Variants in DPP10 observed in about 807,000 individuals in gnomAD.
The protein encoded by DPP10 is dipeptidyl peptidase like 10.
Under a neutral mutation model 120.9 loss-of-function variants are expected in DPP10, and 33 were observed. That is an observed-to-expected ratio of 0.27 (90% CI 0.21 to 0.37). DPP10 has a LOEUF of 0.37. Among genes scored for constraint, DPP10 ranks in the 10% least tolerant of loss-of-function variants. The probability of loss-of-function intolerance (pLI) is 1.00; values close to 1 mark genes in which losing one functional copy is unlikely to be tolerated. For missense variants in DPP10, 816 were observed against 942.8 expected, an observed-to-expected ratio of 0.87 and a Z score of 1.76; for synonymous variants, 337 against 326.1, an observed-to-expected ratio of 1.03 and a Z score of -0.36.
intron 3 of DPP10, among the ~76,000 whole-genome samples, chr2:115,404,795 G>A (rs76952146): frequency 0.021 from 3,212 of 152,142 alleles, 113 homozygotes; most frequent in African/African-American, 0.074. Flanking sequence ...AATTGGAGAG[G>A]CAACTTCACT....
intron 1 of DPP10, among the ~76,000 whole-genome samples, chr2:115,265,611 C>T (rs2059425996): frequency 6.6e-6 from 1 of 151,996 alleles, no homozygotes; most frequent in Non-Finnish European, 1.5e-5. Flanking sequence ...GTGTTGGTAG[C>T]CACTCACTAA....
At chr2:115,577,201 T>C (rs2081726585) in intron 5 of DPP10, among the ~76,000 whole-genome samples, 2 of 152,176 alleles carry the variant, frequency 1.3e-5, no homozygotes, top group Admixed American at 1.3e-4. Context: ...GGCCTAAGGA[T>C]AGTCAGTCTA....
chr2:114,802,701 A>C (rs1382522122), intron 1 of DPP10, among the ~76,000 whole-genome samples: 3 of 152,140 alleles, frequency 2.0e-5, no homozygotes, highest in Non-Finnish European at 1.5e-5. Flanking sequence ...CCTCATTTCC[A>C]CTTTTTGTAT....
intron 7 of DPP10, among the ~76,000 whole-genome samples, chr2:115,697,328 T>C (rs542558476): frequency 2.0e-5 from 3 of 152,066 alleles, no homozygotes; most frequent in African/African-American, 7.2e-5. Context: ...ACATACGCTC[T>C]ATAAGAAACT....
At position 114,869,537 on chromosome 2, in the gene DPP10, C is replaced by A. The variant is rs774751610; in HGVS notation, c.60+426699C>A. On this transcript the variant is annotated intron_variant, in intron 1 of 25. Coordinates refer to ENST00000410059, the MANE Select transcript of DPP10 (RefSeq NM_020868.6). ...AAGTCCACTGGCACCATTTATACTG[C>A]TGAAGAGGGATCCTGAAAGGCAGCC... Among the ~76,000 whole-genome samples, 52 of 152,114 alleles carry A rather than the reference C, an allele frequency of 3.4e-4. 2 individuals carry two copies. The highest frequency in any genetic ancestry group is 1.3e-4 in the Admixed American group (2 of 15,238).
chr2:115,257,607 C>G (rs907151084), intron 1 of DPP10, among the ~76,000 whole-genome samples: 1 of 152,200 alleles, frequency 6.6e-6, no homozygotes, highest in Non-Finnish European at 1.5e-5. Context: ...ATCTTCAACA[C>G]TGGGGATGAT....
intron 1 of DPP10, among the ~76,000 whole-genome samples, chr2:114,519,207 G>C (rs1390841261): frequency 6.6e-6 from 1 of 152,184 alleles, no homozygotes; most frequent in Non-Finnish European, 1.5e-5. Flanking sequence ...AGACAGTTTA[G>C]CTACCTTTAG....
chr2:115,131,393 G>T (rs2050349988), intron 1 of DPP10, among the ~76,000 whole-genome samples: 1 of 151,992 alleles, frequency 6.6e-6, no homozygotes, highest in South Asian at 2.1e-4. Context: ...TGTGTCTGTG[G>T]TCCCAGCTAC....
intron 1 of DPP10, among the ~76,000 whole-genome samples, chr2:115,042,259 T>A (rs909305715): frequency 4.6e-5 from 7 of 152,072 alleles, no homozygotes; most frequent in Non-Finnish European, 1.0e-4. Context: ...ATATCTAGTG[T>A]CATTGCTATT....
chr2:115,155,184 T>C (rs184593936), intron 1 of DPP10, among the ~76,000 whole-genome samples: 84 of 152,228 alleles, frequency 5.5e-4, no homozygotes, highest in Admixed American at 5.4e-3. Context: ...CTAGGGCTAT[T>C]ATATTTAATT....
intron 1 of DPP10, among the ~76,000 whole-genome samples, chr2:115,232,623 A>C (rs778681994): frequency 7.9e-5 from 12 of 152,248 alleles, no homozygotes; most frequent in Admixed American, 7.9e-4. Flanking sequence ...GCCATATATG[A>C]GTGCTCGTAT....
intron 1 of DPP10, among the ~76,000 whole-genome samples, chr2:115,275,891 C>T (rs1210208139): frequency 2.6e-5 from 4 of 151,810 alleles, no homozygotes; most frequent in East Asian, 3.9e-4. Flanking sequence ...TTGGTGGAGA[C>T]GGGGTTTCAC....
intron 5 of DPP10, among the ~76,000 whole-genome samples, chr2:115,539,913 G>A (rs943283731): frequency 6.6e-6 from 1 of 151,510 alleles, no homozygotes; most frequent in African/African-American, 2.4e-5. Flanking sequence ...GCAATGTTAT[G>A]ATTCCTAGTT....
chr2:114,457,987 T>C (rs903500883), intron 1 of DPP10, among the ~76,000 whole-genome samples: 3 of 152,210 alleles, frequency 2.0e-5, no homozygotes, highest in African/African-American at 7.2e-5. Flanking sequence ...ATATTCCTTA[T>C]GTGCTGTCGG....
At chr2:115,658,545 G>C (rs2088610425) in intron 5 of DPP10, among the ~76,000 whole-genome samples, 1 of 152,024 alleles carries the variant, frequency 6.6e-6, no homozygotes, top group South Asian at 2.1e-4. Flanking sequence ...GGCACTGGTT[G>C]TTATCAATCA....
intron 21 of DPP10, among the ~76,000 whole-genome samples, chr2:115,819,744 A>G (rs1164927358): frequency 6.6e-6 from 1 of 152,192 alleles, no homozygotes; most frequent in East Asian, 1.9e-4. Flanking sequence ...CTGTAATCCC[A>G]GCACCTTGGG....
intron 5 of DPP10, among the ~76,000 whole-genome samples, chr2:115,586,509 T>TG (rs2082299620): frequency 6.6e-6 from 1 of 152,148 alleles, no homozygotes; most frequent in South Asian, 2.1e-4. Flanking sequence ...ACAATTTTGT[T>TG]GAAAAAATGC....
intron 1 of DPP10, among the ~76,000 whole-genome samples, chr2:114,547,092 A>G (rs1225908425): frequency 6.6e-6 from 1 of 152,264 alleles, no homozygotes; most frequent in Non-Finnish European, 1.5e-5. Flanking sequence ...TGTGTGCGGT[A>G]GCACAAGGCC....
At chr2:115,473,736 A>C (rs1443753587) in intron 3 of DPP10, among the ~76,000 whole-genome samples, 3 of 152,202 alleles carry the variant, frequency 2.0e-5, no homozygotes, top group Non-Finnish European at 4.4e-5. Context: ...GGATTTTATC[A>C]ATCTAAATTA....
Sources: gnomAD v4.1 joint callset for allele counts (sites outside exome capture counted in the v4.1 genomes callset) on GRCh38, gnomAD v4.1.1 for gene constraint, MANE v1.5 for transcripts, NCBI Gene and HGNC (gene_info 2026-07-23, HGNC 2026-07-21) for gene names.